Variants in GPC6 observed in about 807,000 individuals in gnomAD.
GPC6 encodes the protein glypican-6.
Under a neutral mutation model 55.2 loss-of-function variants are expected in GPC6, and 14 were observed. The ratio of observed to expected loss-of-function variants is 0.25; its 90% CI spans 0.17 to 0.40. GPC6 has a LOEUF of 0.40. Ranked by LOEUF, GPC6 falls within the 10% of genes least tolerant of loss-of-function variation. The pLI is 1.00. For synonymous variants in GPC6, 278 were observed against 259.6 expected, an observed-to-expected ratio of 1.07 and a Z score of -0.68; for missense variants, 641 against 708.5, an observed-to-expected ratio of 0.90 and a Z score of 1.08.
chr13:94,071,330 CT>C (rs1391064760), intron 4 of GPC6, among the ~76,000 whole-genome samples: 1 of 152,118 alleles, frequency 6.6e-6, no homozygotes, highest in Non-Finnish European at 1.5e-5. Flanking sequence ...ATTATAGTCT[CT>C]TTTAGGATGA....
chr13:93,719,245 C>T (rs1295520500), intron 2 of GPC6, among the ~76,000 whole-genome samples: 1 of 151,894 alleles, frequency 6.6e-6, no homozygotes, highest in Non-Finnish European at 1.5e-5. Flanking sequence ...AGTTTGTGTC[C>T]TCTGTTATTT....
At chr13:93,408,314 A>T (rs1212302979) in intron 1 of GPC6, among the ~76,000 whole-genome samples, 2 of 152,172 alleles carry the variant, frequency 1.3e-5, no homozygotes, top group African/African-American at 2.4e-5. Context: ...ACTAGAATAG[A>T]AGAGGTGAGA....
At chr13:93,353,932 T>G (rs1356990772) in intron 1 of GPC6, among the ~76,000 whole-genome samples, 1 of 152,230 alleles carries the variant, frequency 6.6e-6, no homozygotes, top group Non-Finnish European at 1.5e-5. Flanking sequence ...AATAATAGCT[T>G]TAGTCACAAA....
intron 6 of GPC6, among the ~76,000 whole-genome samples, chr13:94,314,110 CTG>C (rs1876398442): frequency 6.6e-6 from 1 of 152,138 alleles, no homozygotes; most frequent in South Asian, 2.1e-4. Flanking sequence ...AGGCAAGTGA[CTG>C]TTTAGAAAAG....
chr13:93,845,239 T>G (rs1269383549), intron 3 of GPC6, among the ~76,000 whole-genome samples: 4 of 151,568 alleles, frequency 2.6e-5, no homozygotes, highest in East Asian at 3.9e-4. Flanking sequence ...AAAATGCTCA[T>G]CATCACTGGC....
intron 3 of GPC6, among the ~76,000 whole-genome samples, chr13:93,881,164 G>C (rs958627997): frequency 4.6e-5 from 7 of 152,218 alleles, no homozygotes; most frequent in Middle Eastern, 3.4e-3. Flanking sequence ...AATGTGAGTA[G>C]AGCTGGTGTG....
At chr13:94,237,496 G>A (rs983756854) in intron 4 of GPC6, among the ~76,000 whole-genome samples, 3 of 152,138 alleles carry the variant, frequency 2.0e-5, no homozygotes, top group Non-Finnish European at 2.9e-5. Flanking sequence ...GTAGGTGGGT[G>A]GCAGCTTGGA....
intron 2 of GPC6, among the ~76,000 whole-genome samples, chr13:93,771,396 G>T (rs193201996): frequency 1.3e-5 from 2 of 152,242 alleles, no homozygotes; most frequent in Admixed American, 1.3e-4. Context: ...GAAGACACAG[G>T]GGAGTGCTGC....
rs142960908 is a variant in GPC6, at chr13:94,405,122, T to C, written c.*1905T>C. 1.2e-4 allele frequency: 19 copies of C among 152,342 alleles called. No individual in the cohort carries two copies. The highest frequency in any genetic ancestry group is 2.8e-4 in the Non-Finnish European group (19 of 68,022). 9.4% of individuals were successfully genotyped at this position (152,342 alleles called of 1,614,324 possible). ...ACACATGTGGCACAATAGTATTAAG[T>C]ATATTTGAGCACTTTTGCAAGACAG... On this transcript the variant is annotated 3_prime_UTR_variant, in exon 9 of 9. Coordinates refer to ENST00000377047, the MANE Select transcript of GPC6 (RefSeq NM_005708.5).
At chr13:93,723,841 T>C (rs1311672597) in intron 2 of GPC6, among the ~76,000 whole-genome samples, 1 of 152,000 alleles carries the variant, frequency 6.6e-6, no homozygotes, top group Admixed American at 6.6e-5. Flanking sequence ...AATGTGTATT[T>C]AGTTCAAAAA....
intron 1 of GPC6, among the ~76,000 whole-genome samples, chr13:93,517,204 T>G (rs1277536430): frequency 2.0e-5 from 3 of 152,078 alleles, no homozygotes; most frequent in African/African-American, 7.2e-5. Flanking sequence ...AGAAACACCT[T>G]TCATCACAGG....
intron 4 of GPC6, among the ~76,000 whole-genome samples, chr13:94,044,555 T>G (rs532251506): frequency 6.6e-6 from 1 of 152,064 alleles, no homozygotes; most frequent in South Asian, 2.1e-4. Context: ...GTTTCCAATA[T>G]TTTGCTATAA....
At chr13:93,570,358 G>T (rs1198571904) in intron 2 of GPC6, among the ~76,000 whole-genome samples, 1 of 152,114 alleles carries the variant, frequency 6.6e-6, no homozygotes, top group Non-Finnish European at 1.5e-5. Flanking sequence ...GTACCCACTA[G>T]TGAATACCTA....
chr13:94,234,327 G>A (rs1890812786), intron 4 of GPC6, among the ~76,000 whole-genome samples: 3 of 151,990 alleles, frequency 2.0e-5, no homozygotes, highest in Admixed American at 2.0e-4. Flanking sequence ...CATTTTTATT[G>A]TATCTGTTGT....
chr13:93,377,631 T>C (rs898714976), intron 1 of GPC6, among the ~76,000 whole-genome samples: 1 of 152,236 alleles, frequency 6.6e-6, no homozygotes, highest in African/African-American at 2.4e-5. Context: ...AAAATTCTTT[T>C]GTTAATGCTG....
intron 1 of GPC6, among the ~76,000 whole-genome samples, chr13:93,409,795 C>T (rs1876428555): frequency 6.6e-6 from 1 of 152,088 alleles, no homozygotes; most frequent in Non-Finnish European, 1.5e-5. Flanking sequence ...CGGGAATAAT[C>T]AAAGGAGGAT....
chr13:93,658,830 A>C (rs988761980), intron 2 of GPC6, among the ~76,000 whole-genome samples: 1 of 151,754 alleles, frequency 6.6e-6, no homozygotes, highest in Non-Finnish European at 1.5e-5. Context: ...GTAGGTCAGC[A>C]ATTTCCTTCT....
intron 3 of GPC6, among the ~76,000 whole-genome samples, chr13:93,948,661 C>G (rs1371629900): frequency 6.6e-6 from 1 of 152,160 alleles, no homozygotes; most frequent in Non-Finnish European, 1.5e-5. Context: ...TGCAAACACT[C>G]TGAAAGCACT....
At chr13:93,776,709 A>G (rs1026928260) in intron 2 of GPC6, among the ~76,000 whole-genome samples, 4 of 152,334 alleles carry the variant, frequency 2.6e-5, no homozygotes, top group Non-Finnish European at 4.4e-5. Context: ...ACCTCCATAT[A>G]CTAGGCAATT....
Sources: gnomAD v4.1 joint callset for allele counts (sites outside exome capture counted in the v4.1 genomes callset) on GRCh38, gnomAD v4.1.1 for gene constraint, MANE v1.5 for transcripts, NCBI Gene and HGNC (gene_info 2026-07-23, HGNC 2026-07-21) for gene names.